Variants in CAMTA1 observed in about 807,000 individuals in gnomAD.
CAMTA1 encodes calmodulin-binding transcription activator 1.
A neutral mutation model predicts 170.9 loss-of-function variants in CAMTA1; 27 were observed. That is an observed-to-expected ratio of 0.16 (90% CI 0.12 to 0.22). The LOEUF is 0.22. Ranked by LOEUF, CAMTA1 falls within the 10% of genes least tolerant of loss-of-function variation. CAMTA1 has a pLI of 1.00. For synonymous variants in CAMTA1, 833 were observed against 891.5 expected, an observed-to-expected ratio of 0.93 and a Z score of 1.17; for missense variants, 1,619 against 2,217.2, an observed-to-expected ratio of 0.73 and a Z score of 5.42.
At position 6,906,265 on chromosome 1, in the gene CAMTA1, C is replaced by T. The variant is rs188048342; in HGVS notation, c.234+81055C>T. ...AGAAACCCCCTGCCAAGGGGTCTTT[C>T]TGGATATAGAGGTGCCAAATTTGTA... On this transcript the variant is annotated intron_variant, in intron 3 of 22. Transcript: ENST00000303635. 2.6e-5 allele frequency among the ~76,000 whole-genome samples: 4 copies of T among 152,242 alleles called. No individual in the cohort carries two copies. In the East Asian group the frequency reaches 7.7e-4, roughly 29 times the overall value.
chr1:7,494,444 G>A (rs537467580), intron 6 of CAMTA1, among the ~76,000 whole-genome samples: 1 of 152,206 alleles, frequency 6.6e-6, no homozygotes, highest in Non-Finnish European at 1.5e-5. Flanking sequence ...GGCCGTCTCC[G>A]GGGAGTTGAA....
chr1:7,405,070 G>A (rs1188645714), intron 5 of CAMTA1, among the ~76,000 whole-genome samples: 1 of 152,000 alleles, frequency 6.6e-6, no homozygotes, highest in Non-Finnish European at 1.5e-5. Context: ...CAGGTAAGAG[G>A]TGAGCCATGC....
At chr1:7,114,580 A>G (rs1430347565) in intron 4 of CAMTA1, among the ~76,000 whole-genome samples, 1 of 152,252 alleles carries the variant, frequency 6.6e-6, no homozygotes, top group African/African-American at 2.4e-5. Flanking sequence ...CAAGCTTGAC[A>G]TAGGCAAAGA....
intron 6 of CAMTA1, among the ~76,000 whole-genome samples, chr1:7,545,978 C>T (rs1176410594): frequency 2.9e-4 from 40 of 140,056 alleles, no homozygotes; most frequent in African/African-American, 8.7e-4. Context: ...TTTTTTGAGA[C>T]GGAGTCTCGC....
At chr1:7,587,197 C>T (rs1021979934) in intron 6 of CAMTA1, among the ~76,000 whole-genome samples, 6 of 152,194 alleles carry the variant, frequency 3.9e-5, no homozygotes, top group African/African-American at 9.6e-5. Flanking sequence ...CCCACACAGC[C>T]GCCACGAAGA....
At chr1:6,833,444 A>G (rs771716025) in intron 3 of CAMTA1, among the ~76,000 whole-genome samples, 84 of 152,222 alleles carry the variant, frequency 5.5e-4, no homozygotes, top group Non-Finnish European at 8.5e-4. Flanking sequence ...AAACTAATAA[A>G]GTTTTATATT....
At chr1:6,999,510 A>C (rs1025109616) in intron 3 of CAMTA1, among the ~76,000 whole-genome samples, 2 of 152,086 alleles carry the variant, frequency 1.3e-5, no homozygotes, top group Admixed American at 1.3e-4. Flanking sequence ...CAGTCTCCCA[A>C]GTAGTTGGGA....
intron 5 of CAMTA1, among the ~76,000 whole-genome samples, chr1:7,460,758 G>A (rs1412854006): frequency 6.6e-6 from 1 of 152,086 alleles, no homozygotes; most frequent in Admixed American, 6.6e-5. Context: ...TTTAAAAACT[G>A]TTCATCTTTG....
At chr1:7,385,926 C>G (rs12134390) in intron 5 of CAMTA1, among the ~76,000 whole-genome samples, 6,631 of 152,310 alleles carry the variant, frequency 0.044, 187 homozygotes, top group Middle Eastern at 0.078. Context: ...GAGCCTCACT[C>G]ACTCGCTCCT....
intron 6 of CAMTA1, among the ~76,000 whole-genome samples, chr1:7,520,859 C>A (rs2094356475): frequency 6.6e-6 from 1 of 152,122 alleles, no homozygotes; most frequent in African/African-American, 2.4e-5. Flanking sequence ...CCTTCCAGAC[C>A]AGCCTTCCTC....
At chr1:6,834,501 C>T (rs973892651) in intron 3 of CAMTA1, 5 of 254,930 alleles carry the variant, frequency 2.0e-5, no homozygotes, top group African/African-American at 2.3e-5. Context: ...CTGCACTTGG[C>T]GGGGTAGCCA....
chr1:7,395,871 G>A (rs896759639), intron 5 of CAMTA1, among the ~76,000 whole-genome samples: 13 of 151,902 alleles, frequency 8.6e-5, no homozygotes, highest in African/African-American at 3.1e-4. Flanking sequence ...TTCTTTTTCA[G>A]ATAATTCACT....
At chr1:7,077,869 C>A (rs1042444802) in intron 3 of CAMTA1, among the ~76,000 whole-genome samples, 2 of 152,012 alleles carry the variant, frequency 1.3e-5, no homozygotes, top group Non-Finnish European at 2.9e-5. Context: ...TTTCTGACTT[C>A]TTTGAATGAC....
At chr1:7,703,916 T>C (rs960158169) in intron 11 of CAMTA1, among the ~76,000 whole-genome samples, 2 of 152,032 alleles carry the variant, frequency 1.3e-5, no homozygotes, top group African/African-American at 2.4e-5. Context: ...GGGCTGGAGC[T>C]GGAACTTTGG....
At chr1:6,952,790 C>T (rs924896170) in intron 3 of CAMTA1, among the ~76,000 whole-genome samples, 23 of 152,130 alleles carry the variant, frequency 1.5e-4, no homozygotes, top group Non-Finnish European at 2.5e-4. Context: ...GCCGAGATAA[C>T]GCCACTGTAC....
At chr1:6,879,173 G>T (rs1201797384) in intron 3 of CAMTA1, among the ~76,000 whole-genome samples, 5 of 152,174 alleles carry the variant, frequency 3.3e-5, no homozygotes, top group Non-Finnish European at 1.5e-5. Flanking sequence ...CAAATGTAGA[G>T]CCTGGAAGTA....
intron 1 of CAMTA1, among the ~76,000 whole-genome samples, chr1:6,819,722 GA>G (rs1420970636): frequency 6.6e-6 from 1 of 152,186 alleles, no homozygotes; most frequent in Non-Finnish European, 1.5e-5. Flanking sequence ...TGAGCCATTT[GA>G]GGATAAATTG....
At chr1:7,438,709 G>A (rs2092425767) in intron 5 of CAMTA1, among the ~76,000 whole-genome samples, 1 of 152,156 alleles carries the variant, frequency 6.6e-6, no homozygotes, top group Non-Finnish European at 1.5e-5. Context: ...AGGGGGTCCC[G>A]CACACAGGAA....
rs1045673342 is a variant in CAMTA1 at position 7,571,920 on chromosome 1, C to G, written c.511-68480C>G. Among the ~76,000 whole-genome samples the G allele has an allele frequency of 5.3e-5, 8 of 152,274 alleles. No homozygotes were observed. In the East Asian group the frequency reaches 9.6e-4, roughly 18 times the overall value. On this transcript the variant is annotated intron_variant, in intron 6 of 22. Transcript: ENST00000303635. ...TTCTTTGAGGAATCACCATACTGCT[C>G]TCCACAATAGCTGAACTAATTTACA...
Sources: gnomAD v4.1 joint callset for allele counts (sites outside exome capture counted in the v4.1 genomes callset) on GRCh38, gnomAD v4.1.1 for gene constraint, MANE v1.5 for transcripts, NCBI Gene and HGNC (gene_info 2026-07-23, HGNC 2026-07-21) for gene names.